ADAM12: variants seen among roughly 807,000 people sequenced by gnomAD.
ADAM12 encodes the protein ADAM metallopeptidase domain 12.
Under a neutral mutation model 106.4 loss-of-function variants are expected in ADAM12, and 70 were observed. The ratio of observed to expected loss-of-function variants is 0.66; its 90% CI spans 0.54 to 0.80. ADAM12 has a LOEUF of 0.80. Among genes scored for constraint, ADAM12 ranks in the 30% least tolerant of loss-of-function variants. The probability of loss-of-function intolerance (pLI) is 0.00; values close to 1 mark genes in which losing one functional copy is unlikely to be tolerated. For synonymous variants in ADAM12, 420 were observed against 433.5 expected (o/e 0.97, Z 0.39); for missense variants, 1,010 against 1,171.9 (o/e 0.86, Z 2.02).
chr10:126,083,600 A>C (rs948083627), intron 11 of ADAM12, among the ~76,000 whole-genome samples: 26 of 152,244 alleles, frequency 1.7e-4, no homozygotes, highest in African/African-American at 6.3e-4. Context: ...GGTGTAACAG[A>C]AGACAAAGGC....
At chr10:126,310,824 T>C (rs892876164) in intron 2 of ADAM12, among the ~76,000 whole-genome samples, 2 of 152,174 alleles carry the variant, frequency 1.3e-5, no homozygotes, top group African/African-American at 4.8e-5. Context: ...TAACATAGTC[T>C]CATAGCTGTT....
chr10:126,234,550 C>T (rs1347068052), intron 3 of ADAM12, among the ~76,000 whole-genome samples: 1 of 152,172 alleles, frequency 6.6e-6, no homozygotes, highest in Non-Finnish European at 1.5e-5. Context: ...CTGCTCTGCC[C>T]AGTAATGAGT....
At chr10:126,335,691 G>T (rs1329397054) in intron 1 of ADAM12, among the ~76,000 whole-genome samples, 1 of 151,952 alleles carries the variant, frequency 6.6e-6, no homozygotes, top group Non-Finnish European at 1.5e-5. Context: ...GTAAGTGAAG[G>T]ATCCACAAAA....
intron 1 of ADAM12, among the ~76,000 whole-genome samples, chr10:126,343,650 G>GT (rs1334602624): frequency 6.6e-6 from 1 of 152,300 alleles, no homozygotes; most frequent in Non-Finnish European, 1.5e-5. Flanking sequence ...CACCAATAGT[G>GT]TAAAAGTATT....
intron 2 of ADAM12, among the ~76,000 whole-genome samples, chr10:126,282,002 G>A (rs916338455): frequency 1.9e-4 from 29 of 152,308 alleles, no homozygotes; most frequent in East Asian, 1.9e-4. Flanking sequence ...AGAAGCCCCC[G>A]TATTAGTTTG....
intron 3 of ADAM12, among the ~76,000 whole-genome samples, chr10:126,260,141 T>C (rs573716689): frequency 1.3e-5 from 2 of 152,350 alleles, no homozygotes; most frequent in South Asian, 4.1e-4. Context: ...ACACATTACC[T>C]ACCTACCCAT....
At position 126,086,680 on chromosome 10, in the gene ADAM12, A is replaced by AATATATATATATAT. The variant is rs1210379675; in HGVS notation, c.1145+7291_1145+7304dup. Among the ~76,000 whole-genome samples the AATATATATATATAT allele has an allele frequency of 5.4e-3, 130 of 24,090 alleles. 1 individual carries two copies. The highest frequency in any genetic ancestry group is 7.1e-3 in the Admixed American group (9 of 1,260). 15.8% of individuals were successfully genotyped at this position (24,090 alleles called of 152,430 possible). A position where few individuals can be genotyped will look rare whatever the true frequency, so the allele number is the denominator to read the frequency against. On this transcript the variant is annotated intron_variant, in intron 11 of 22. Coordinates refer to ENST00000448723, the MANE Select transcript of ADAM12 (RefSeq NM_001288973.2). Reference sequence around the variant, plus strand: ...AAAAAAAAAAAAAAAAAAAAAAAAAAATATATATATATATATATATATATA... The same window carrying AATATATATATATAT: ...AAAAAAAAAAAAAAAAAAAAAAAAAAATATATATATATATATATATATATATATATATATATATA...
intron 3 of ADAM12, among the ~76,000 whole-genome samples, chr10:126,242,449 C>G (rs1440586263): frequency 6.6e-6 from 1 of 152,140 alleles, no homozygotes; most frequent in Non-Finnish European, 1.5e-5. Flanking sequence ...AAAATCAAGG[C>G]AAAATGATGG....
chr10:126,040,969 G>C (rs763026534), intron 18 of ADAM12, among the ~76,000 whole-genome samples: 2 of 152,022 alleles, frequency 1.3e-5, no homozygotes, highest in Non-Finnish European at 2.9e-5. Context: ...TAGAATCTGA[G>C]CCCAGGCCAG....
intron 3 of ADAM12, among the ~76,000 whole-genome samples, chr10:126,225,308 A>T (rs551700376): frequency 3.9e-5 from 6 of 152,380 alleles, no homozygotes; most frequent in African/African-American, 1.4e-4. Context: ...GAAAGGAGTT[A>T]TTAAAAAATA....
intron 2 of ADAM12, among the ~76,000 whole-genome samples, chr10:126,290,550 C>T (rs1164574684): frequency 2.0e-5 from 3 of 152,182 alleles, no homozygotes; most frequent in Non-Finnish European, 4.4e-5. Flanking sequence ...ATGCTTATTA[C>T]AGAAATCCAA....
At chr10:126,384,731 TCTCA>T (rs1856602074) in intron 1 of ADAM12, among the ~76,000 whole-genome samples, 1 of 152,222 alleles carries the variant, frequency 6.6e-6, no homozygotes, top group South Asian at 2.1e-4. Context: ...TTCTCCCTAC[TCTCA>T]CTCTCAGTAC....
chr10:126,019,757 G>A lies in ADAM12; in HGVS notation c.2598C>T (p.Leu866=). ...PADPLARTTR[L]THALARTPGQ... ...CTGGGGTCCTGGCCAAGGCATGAGT[G>A]AGCCGAGTTGTTCTGGCCAGAGGAT... Residue 866 remains leucine (L), a synonymous_variant, in exon 22 of 23, where the codon CTC becomes CTT. Transcript: ENST00000448723. 1 of 1,614,154 alleles carries A rather than the reference G, an allele frequency of 6.2e-7. No individual in the cohort carries two copies. Among genetic ancestry groups the A allele is most frequent in the Non-Finnish European group, 8.5e-7 (1 of 1,180,030 alleles).
At position 126,328,191 on chromosome 10, in the gene ADAM12, G is replaced by T. The variant is rs143820351; in HGVS notation, c.186+2221C>A. ...CTTACTGCAACGTAAGTTGCAGGTG[G>T]CAGAAAGCGTGTCTGCCTTCTGCAT... is the stretch of plus-strand genomic sequence containing the variant. On this transcript the variant is annotated intron_variant, in intron 2 of 22. Transcript: ENST00000448723. Among the ~76,000 whole-genome samples, 292 of 152,280 alleles carry T rather than the reference G, an allele frequency of 1.9e-3. 1 individual carries two copies. The highest frequency in any genetic ancestry group is 6.6e-3 in the African/African-American group (273 of 41,546).
rs1245243320 is a variant in ADAM12, at chr10:126,118,031, C to T, written c.603+7G>A. 2.5e-6 allele frequency: 4 copies of T among 1,613,774 alleles called. No homozygotes were observed. The highest frequency in any genetic ancestry group is 3.4e-6 in the Non-Finnish European group (4 of 1,179,864). ...TCCAGAAACACAAAATCAGGTATCC[C>T]CCTTACCCTTCTTGCCCATGTCTGA... On this transcript the variant is annotated splice_region_variant and intron_variant, in intron 6 of 22. Coordinates refer to ENST00000448723, the MANE Select transcript of ADAM12 (RefSeq NM_001288973.2).
intron 3 of ADAM12, among the ~76,000 whole-genome samples, chr10:126,253,361 G>A (rs1958823476): frequency 6.6e-6 from 1 of 152,210 alleles, no homozygotes; most frequent in Non-Finnish European, 1.5e-5. Context: ...GCTCGCCAAT[G>A]TGGCATGTGT....
At chr10:126,199,634 C>G (rs1957661106) in intron 3 of ADAM12, among the ~76,000 whole-genome samples, 1 of 152,112 alleles carries the variant, frequency 6.6e-6, no homozygotes, top group Non-Finnish European at 1.5e-5. Flanking sequence ...CTAAACAAAA[C>G]CAGGTTTTCA....
At chr10:126,331,707 C>T (rs1281428241) in intron 1 of ADAM12, among the ~76,000 whole-genome samples, 1 of 152,094 alleles carries the variant, frequency 6.6e-6, no homozygotes, top group Non-Finnish European at 1.5e-5. Flanking sequence ...TGAGCTGCAA[C>T]CCTCGACCGC....
At chr10:126,231,642 G>A (rs1051994791) in intron 3 of ADAM12, among the ~76,000 whole-genome samples, 3 of 152,146 alleles carry the variant, frequency 2.0e-5, no homozygotes, top group African/African-American at 7.2e-5. Flanking sequence ...CACATGGAAA[G>A]ACCAGTTCTT....
Sources: allele counts gnomAD v4.1 joint callset (sites outside exome capture counted in the v4.1 genomes callset), GRCh38; gene constraint gnomAD v4.1.1; transcripts MANE v1.5; gene names NCBI Gene and HGNC (gene_info 2026-07-23, HGNC 2026-07-21).